The following ZNF792 variants were observed in gnomAD, a reference collection of about 807,000 sequenced individuals.
ZNF792 encodes zinc finger protein 792.
In ZNF792, 14 loss-of-function variants were observed where a neutral mutation model predicts 13.1. The observed-to-expected ratio is 1.07, with a 90% CI of 0.71 to 1.67. ZNF792 has a LOEUF of 1.67. Ranked by LOEUF, ZNF792 falls within the 40% of genes most tolerant of loss-of-function variation. The probability of loss-of-function intolerance (pLI) is 0.00; values close to 1 mark genes in which losing one functional copy is unlikely to be tolerated. For missense variants in ZNF792, 740 were observed against 807.9 expected (o/e 0.92, Z 1.02); for synonymous variants, 257 against 292.0 (o/e 0.88, Z 1.22).
At position 34,963,812 on chromosome 19, in the gene ZNF792, C is replaced by T; in HGVS notation, c.-150G>A. 1.1e-6 allele frequency: 1 copy of T among 916,188 alleles called. No individual in the cohort carries two copies. Among genetic ancestry groups the T allele is most frequent in the Non-Finnish European group, 1.6e-6 (1 of 631,602 alleles). The allele number at this position is 916,188 out of a possible 1,614,324, so 56.8% of individuals were successfully genotyped here. On this transcript the variant is annotated 5_prime_UTR_variant, in exon 1 of 4. Transcript: ENST00000404801. ...GGGTCGCACTCCTAGCCTCAGTCTC[C>T]CCCGTGCAAAATGCGCAAGGGGCCC...
At position 34,960,912 on chromosome 19, in the gene ZNF792, T is replaced by C. The variant is rs1323332327; in HGVS notation, c.116A>G (p.Tyr39Cys). The change falls in exon 2 of 4, where the codon TAC becomes TGC. Residue 39 changes from tyrosine to cysteine, a missense_variant. By Grantham distance (194) the Tyr-to-Cys change is radical. Coordinates refer to ENST00000404801, the MANE Select transcript of ZNF792 (RefSeq NM_175872.5). ...AAAGTTTTCCAGCATCACATCGCAG[T>C]ACAGGAGTCTCTGAGCCTCATCGAG... ...VLLDEAQRLLYCDVMLENFAL... is the reference protein window; with the variant it reads ...VLLDEAQRLLCCDVMLENFAL... 1 of 1,614,006 alleles carries C rather than the reference T, an allele frequency of 6.2e-7. No individual in the cohort carries two copies. The highest frequency in any genetic ancestry group is 8.5e-7 in the Non-Finnish European group (1 of 1,179,950).
At chr19:34,960,156 T>C in intron 3 of ZNF792, 79 bp downstream of exon 3, 1 of 1,560,174 alleles carries the variant, frequency 6.4e-7, no homozygotes, top group East Asian at 2.3e-5. Flanking sequence ...CAAATGATGA[T>C]GAATAGGAGA....
At chr19:34,960,709 G>T in intron 2 of ZNF792, 159 bp downstream of exon 2, 1 of 1,115,008 alleles carries the variant, frequency 9.0e-7, no homozygotes, top group Non-Finnish European at 1.3e-6. Flanking sequence ...AGGGAACAAT[G>T]CACATAGCTC....
At position 34,958,928 on chromosome 19, in the gene ZNF792, C is replaced by T. The variant is rs140750743; in HGVS notation, c.927G>A (p.Pro309=). The T allele has an allele frequency of 1.2e-4, 192 of 1,613,814 alleles. No individual in the cohort carries two copies. In the East Asian group the frequency reaches 2.7e-3, roughly 22 times the overall value. ...QHQKVHNRGK[P]YECCECGKFF... is the part of the protein sequence containing the mutation. Reference sequence around the variant, plus strand: ...ATTTTCCACATTCACAGCACTCATACGGTTTTCCTCTATTGTGAACTTTCT... The same window carrying T: ...ATTTTCCACATTCACAGCACTCATATGGTTTTCCTCTATTGTGAACTTTCT... The change falls in exon 4 of 4, where the codon CCG becomes CCA. Residue 309 remains proline (P), a synonymous_variant. Coordinates refer to ENST00000404801, the MANE Select transcript of ZNF792 (RefSeq NM_175872.5).
At position 34,963,647 on chromosome 19, in the gene ZNF792, G is replaced by A. The variant is rs1223786624; in HGVS notation, c.16C>T (p.Leu6=). The change falls in exon 1 of 4, where the codon CTG becomes TTG. Residue 6 remains leucine (L), a synonymous_variant. Coordinates refer to ENST00000404801, the MANE Select transcript of ZNF792 (RefSeq NM_175872.5). MAAAA[L]RDPAQGCVTF... ...GCACTCACCTGCGCGGGGTCCCGCA[G>A]CGCCGCCGCTGCCATCGGAGTCTGT... 6.2e-7 allele frequency: 1 copy of A among 1,602,042 alleles called. No individual in the cohort carries two copies.
At position 34,959,385 on chromosome 19, in the gene ZNF792, T is replaced by C; in HGVS notation, c.470A>G (p.Gln157Arg). Residue 157 changes from glutamine (Q) to arginine (R), a missense_variant, in exon 4 of 4, where the codon CAG (glutamine) becomes CGG (arginine). Physicochemically the swap from Gln to Arg is conservative, Grantham distance 43. Coordinates refer to ENST00000404801, the MANE Select transcript of ZNF792 (RefSeq NM_175872.5). ...ATATGCCTCACACACAAATGGTTTC[T>C]GCCTGGGATGTGTTGTCTGGTGTTC... Reference protein sequence around the residue: ...LAEHQTTHPRQKPFVCEAYVK... With the variant: ...LAEHQTTHPRRKPFVCEAYVK... The C allele has an allele frequency of 6.2e-7, 1 of 1,614,142 alleles. No individual in the cohort carries two copies. The highest frequency in any genetic ancestry group is 8.5e-7 in the Non-Finnish European group (1 of 1,179,960).
rs568987196 is a variant in ZNF792 at position 34,964,202 on chromosome 19, C to G, written c.-540G>C. The stretch of plus-strand genomic sequence containing the variant: ...GATCGCGAGTTTCTGCCCAGCCTCT[C>G]GTCAGGCTGAGGGTCCAGGGCGGGA... On this transcript the variant is annotated 5_prime_UTR_variant, in exon 1 of 4. Coordinates refer to ENST00000404801, the MANE Select transcript of ZNF792 (RefSeq NM_175872.5). Among the ~76,000 whole-genome samples the G allele has an allele frequency of 6.6e-6, 1 of 152,166 alleles. No individual in the cohort carries two copies. Among genetic ancestry groups the G allele is most frequent in the African/African-American group, 2.4e-5 (1 of 41,450 alleles).
rs56209916 is a variant in ZNF792, at chr19:34,958,169, G to A, written c.1686C>T (p.Tyr562=). ...AGGCTTTCCCACATTCGCTGCATTC[G>A]TAAGGCCTGTCTGGTTTGTGAACTT... is the stretch of plus-strand genomic sequence containing the variant. ...HLKVHKPDRP[Y]ECSECGKAFN... is the part of the protein sequence containing the mutation. The change falls in exon 4 of 4, where the codon TAC becomes TAT. Residue 562 remains tyrosine (Y), a synonymous_variant. Coordinates refer to ENST00000404801, the MANE Select transcript of ZNF792 (RefSeq NM_175872.5). 4.1e-4 allele frequency: 664 copies of A among 1,611,828 alleles called. 1 individual carries two copies. Among genetic ancestry groups the A allele is most frequent in the Non-Finnish European group, 5.3e-4 (619 of 1,178,152 alleles).
rs1370451906 is a variant in ZNF792 at position 34,963,712 on chromosome 19, G to A, written c.-50C>T. ...CCCACGGTGCGGGAAACCACGGGGC[G>A]GGGGTAGGGGGTCTCGCAGGCTGAG... On this transcript the variant is annotated 5_prime_UTR_variant, in exon 1 of 4. Transcript: ENST00000404801. 7.9e-6 allele frequency: 12 copies of A among 1,520,814 alleles called. 1 individual carries two copies. Among genetic ancestry groups the A allele is most frequent in the Non-Finnish European group, 1.1e-5 (12 of 1,135,898 alleles). The allele number at this position is 1,520,814 out of a possible 1,614,324, so 94.2% of individuals were successfully genotyped here.
chr19:34,960,907 C>A lies in ZNF792; in HGVS notation c.121G>T (p.Asp41Tyr). 1 of 1,614,034 alleles carries A rather than the reference C, an allele frequency of 6.2e-7. No homozygotes were observed. Among genetic ancestry groups the A allele is most frequent in the Non-Finnish European group, 8.5e-7 (1 of 1,179,968 alleles). Residue 41 changes from aspartate to tyrosine, a missense_variant, in exon 2 of 4, where the codon GAT becomes TAT. Transcript: ENST00000404801. Reference sequence around the variant, plus strand: ...AGTGCAAAGTTTTCCAGCATCACATCGCAGTACAGGAGTCTCTGAGCCTCA... The same window carrying A: ...AGTGCAAAGTTTTCCAGCATCACATAGCAGTACAGGAGTCTCTGAGCCTCA... ...LDEAQRLLYC[D>Y]VMLENFALIA...
rs1189773231 is a variant in ZNF792 at position 34,963,695 on chromosome 19, G to A, written c.-33C>T. The stretch of plus-strand genomic sequence containing the variant: ...TGTGGTCAGAGCAGGGCCCCACGGT[G>A]CGGGAAACCACGGGGCGGGGGTAGG... On this transcript the variant is annotated 5_prime_UTR_variant, in exon 1 of 4. Coordinates refer to ENST00000404801, the MANE Select transcript of ZNF792 (RefSeq NM_175872.5). 1.3e-6 allele frequency: 2 copies of A among 1,563,110 alleles called. No homozygotes were observed. The highest frequency in any genetic ancestry group is 1.7e-6 in the Non-Finnish European group (2 of 1,158,410).
In ZNF792 at chr19:34,958,180, C is replaced by A. The variant is rs377246340; in HGVS notation, c.1675G>T (p.Asp559Tyr). ...LRQHLKVHKP[D>Y]RPYECSECGK... ...CATTCGCTGCATTCGTAAGGCCTGT[C>A]TGGTTTGTGAACTTTCAGGTGCTGC... is the stretch of plus-strand genomic sequence containing the variant. Residue 559 changes from aspartate (D) to tyrosine (Y), a missense_variant, in exon 4 of 4, where the codon GAC becomes TAC. Asp to Tyr is a radical substitution (Grantham distance 160, BLOSUM62 -3). Coordinates refer to ENST00000404801, the MANE Select transcript of ZNF792 (RefSeq NM_175872.5). The A allele has an allele frequency of 6.2e-6, 10 of 1,611,726 alleles. No individual in the cohort carries two copies. In the African/African-American group the frequency reaches 1.3e-4, roughly 22 times the overall value.
rs762805539 is a variant in ZNF792 at position 34,959,014 on chromosome 19, G to A, written c.841C>T (p.Pro281Ser). The A allele has an allele frequency of 6.2e-7, 1 of 1,614,094 alleles. No individual in the cohort carries two copies. Among genetic ancestry groups the A allele is most frequent in the Non-Finnish European group, 8.5e-7 (1 of 1,179,950 alleles). Residue 281 changes from proline to serine, a missense_variant, in exon 4 of 4, where the codon CCT becomes TCT. Transcript: ENST00000404801. Reference sequence around the variant, plus strand: ...ATTCCACATTTGCTGCATTCATAAGGCCTTTCTCTGCTGTGGATTCTCTGG... The same window carrying A: ...ATTCCACATTTGCTGCATTCATAAGACCTTTCTCTGCTGTGGATTCTCTGG... Reference protein sequence around the residue: ...QHQRIHSRERPYECSKCGIFF... With the variant: ...QHQRIHSRERSYECSKCGIFF...
At chr19:34,960,709 G>A in intron 2 of ZNF792, 159 bp downstream of exon 2, 1 of 1,115,008 alleles carries the variant, frequency 9.0e-7, no homozygotes, top group East Asian at 2.6e-5. Context: ...AGGGAACAAT[G>A]CACATAGCTC....
At chr19:34,963,504 C>A in intron 1 of ZNF792, 126 bp downstream of exon 1, 3 of 1,392,234 alleles carry the variant, frequency 2.2e-6, no homozygotes, top group Non-Finnish European at 3.0e-6. Flanking sequence ...TCCAGGGTCC[C>A]CTGACTCAAA....
Position 34,959,374 on chromosome 19 carries a change from C to T in ZNF792, c.481G>A (p.Val161Met). The part of the protein sequence containing the change: ...QTTHPRQKPF[V>M]CEAYVKGSEF... ...GAGCCTTTCACATATGCCTCACACACAAATGGTTTCTGCCTGGGATGTGTT... is the reference window on the plus strand; with the variant it reads ...GAGCCTTTCACATATGCCTCACACATAAATGGTTTCTGCCTGGGATGTGTT... The change falls in exon 4 of 4, where the codon GTG (valine) becomes ATG (methionine). Residue 161 changes from valine to methionine, a missense_variant. Physicochemically the swap from Val to Met is conservative, Grantham distance 21. Coordinates refer to ENST00000404801, the MANE Select transcript of ZNF792 (RefSeq NM_175872.5). 1 of 1,614,140 alleles carries T rather than the reference C, an allele frequency of 6.2e-7. No homozygotes were observed. Among genetic ancestry groups the T allele is most frequent in the Non-Finnish European group, 8.5e-7 (1 of 1,179,974 alleles).
At chr19:34,963,064 T>C (rs1426318535) in intron 1 of ZNF792, among the ~76,000 whole-genome samples, 1 of 152,152 alleles carries the variant, frequency 6.6e-6, no homozygotes, top group Non-Finnish European at 1.5e-5. Flanking sequence ...AGCACTGGCC[T>C]GGGCTATTCC....
At position 34,960,973 on chromosome 19, in the gene ZNF792, C is replaced by T. The variant is rs777366365; in HGVS notation, c.55G>A (p.Val19Met). Residue 19 changes from valine to methionine, a missense_variant, in exon 2 of 4, where the codon GTG (valine) becomes ATG (methionine). By Grantham distance (21) the Val-to-Met change is conservative (BLOSUM62 1). Transcript: ENST00000404801. ...PAQGCVTFED[V>M]TIYFSQEEWV... ...TCCTCCTGGGAGAAGTAAATGGTCACGTCCTCAAAGGTCACGCAGCCCTGC... is the reference window on the plus strand; with the variant it reads ...TCCTCCTGGGAGAAGTAAATGGTCATGTCCTCAAAGGTCACGCAGCCCTGC... The T allele has an allele frequency of 3.7e-6, 6 of 1,613,802 alleles. No homozygotes were observed. The highest frequency in any genetic ancestry group is 5.1e-6 in the Non-Finnish European group (6 of 1,179,820).
At chr19:34,960,411 C>A in intron 2 of ZNF792, 54 bp from the exon 3 acceptor site, 4 of 1,591,872 alleles carry the variant, frequency 2.5e-6, no homozygotes, top group East Asian at 2.3e-5. Flanking sequence ...TTGAACTACC[C>A]CATGATAGAC....
Sources: gnomAD v4.1 joint callset for allele counts (sites outside exome capture counted in the v4.1 genomes callset) on GRCh38, gnomAD v4.1.1 for gene constraint, MANE v1.5 for transcripts, NCBI Gene and HGNC (gene_info 2026-07-23, HGNC 2026-07-21) for gene names.